ATG3: variants seen among roughly 807,000 people sequenced by gnomAD.
ATG3 encodes autophagy related 3, also known as ubiquitin-like-conjugating enzyme ATG3.
Under a neutral mutation model 50.7 loss-of-function variants are expected in ATG3, and 25 were observed. The ratio of observed to expected loss-of-function variants is 0.49; its 90% CI spans 0.36 to 0.69. The LOEUF (loss-of-function observed/expected upper bound fraction) is 0.69. Among genes scored for constraint, ATG3 ranks in the 30% least tolerant of loss-of-function variants. The pLI is 0.00. For missense variants in ATG3, 281 were observed against 376.0 expected (o/e 0.75, Z 2.09); for synonymous variants, 119 against 125.5 (o/e 0.95, Z 0.34).
At chr3:112,554,535 G>A (rs767354461) in intron 2 of ATG3, among the ~76,000 whole-genome samples, 19 of 152,038 alleles carry the variant, frequency 1.2e-4, no homozygotes, top group East Asian at 5.8e-4. Flanking sequence ...TGCTCTTTTC[G>A]GACTCAGCCC....
At chr3:112,556,284 A>G (rs893855058) in intron 2 of ATG3, among the ~76,000 whole-genome samples, 4 of 152,214 alleles carry the variant, frequency 2.6e-5, no homozygotes, top group Non-Finnish European at 5.9e-5. Flanking sequence ...CCGGGAGGTG[A>G]GGGGCGCCTC....
intron 3 of ATG3, among the ~76,000 whole-genome samples, chr3:112,551,582 T>C (rs909104371): frequency 2.6e-5 from 4 of 152,162 alleles, no homozygotes; most frequent in Admixed American, 6.5e-5. Context: ...CCCGTCCATA[T>C]ATACAAGCCC....
chr3:112,543,920 G>GA, intron 6 of ATG3, 137 bp downstream of exon 6: 2 of 563,070 alleles, frequency 3.6e-6, no homozygotes, highest in Non-Finnish European at 6.0e-6. Flanking sequence ...AAAACAGCTG[G>GA]AATTTAAAAG....
intron 11 of ATG3, chr3:112,533,053 A>G: frequency 2.8e-6 from 3 of 1,078,406 alleles, no homozygotes; most frequent in Non-Finnish European, 3.4e-6. Flanking sequence ...TAAAAAGGAC[A>G]AAGCTATACA....
At chr3:112,539,250 C>T (rs781438294) in intron 7 of ATG3, among the ~76,000 whole-genome samples, 14 of 151,840 alleles carry the variant, frequency 9.2e-5, no homozygotes, top group Non-Finnish European at 1.5e-4. Flanking sequence ...CAAACAAAAC[C>T]CTCCAATGGC....
At chr3:112,541,666 C>A in intron 7 of ATG3, 137 bp downstream of exon 7, 1 of 682,238 alleles carries the variant, frequency 1.5e-6, no homozygotes, top group Non-Finnish European at 2.4e-6. Flanking sequence ...AATTTATGAA[C>A]TAAACATATA....
chr3:112,551,446 AG>A (rs1365977536), intron 3 of ATG3, among the ~76,000 whole-genome samples: 2 of 152,350 alleles, frequency 1.3e-5, no homozygotes, highest in East Asian at 3.9e-4. Context: ...CCTTTGGCCC[AG>A]GAATTTAGCC....
intron 5 of ATG3, among the ~76,000 whole-genome samples, chr3:112,548,295 T>G (rs1242867058): frequency 6.6e-6 from 1 of 152,156 alleles, no homozygotes; most frequent in Non-Finnish European, 1.5e-5. Flanking sequence ...GAGGTTGCAG[T>G]GAGCAAAGAT....
chr3:112,544,253 CTAA>C (rs1411487100), intron 5 of ATG3, 147 bp from the exon 6 acceptor site: 6 of 616,508 alleles, frequency 9.7e-6, no homozygotes, highest in Non-Finnish European at 1.7e-5. Context: ...CAAATGAACT[CTAA>C]TGAGAATAGT....
At chr3:112,556,841 A>T (rs1472639553) in intron 2 of ATG3, among the ~76,000 whole-genome samples, 2 of 151,900 alleles carry the variant, frequency 1.3e-5, no homozygotes, top group African/African-American at 2.4e-5. Context: ...GCTCGTTAAG[A>T]GTCATCACCA....
intron 2 of ATG3, among the ~76,000 whole-genome samples, chr3:112,555,201 A>G (rs1413328932): frequency 6.6e-6 from 1 of 152,166 alleles, no homozygotes; most frequent in African/African-American, 2.4e-5. Flanking sequence ...AGAAAAACGA[A>G]AAACAAAAAA....
chr3:112,534,346 C>CAAAA lies in ATG3; in HGVS notation c.795-13_795-10dup, dbSNP rs11381118. Reference sequence around the variant, plus strand: ...TCATCACCTCAGCATGCCTAGAAGCCAAAAAAAAAAAAAATTGTTAATGTA... The same window carrying CAAAA: ...TCATCACCTCAGCATGCCTAGAAGCCAAAAAAAAAAAAAAAAAATTGTTAATGTA... On this transcript the variant is annotated splice_polypyrimidine_tract_variant and intron_variant, in intron 10 of 11. Transcript: ENST00000283290. 1.2e-5 allele frequency: 15 copies of CAAAA among 1,278,462 alleles called. No homozygotes were observed. The highest frequency in any genetic ancestry group is 3.1e-5 in the African/African-American group (2 of 65,350). 79.2% of individuals were successfully genotyped at this position (1,278,462 alleles called of 1,614,324 possible).
intron 8 of ATG3, 52 bp downstream of exon 8, chr3:112,538,094 A>AT (rs1933122646): frequency 7.3e-7 from 1 of 1,375,216 alleles, no homozygotes; most frequent in Non-Finnish European, 1.0e-6. Context: ...AAGAACATGC[A>AT]TCCCCAAGTT....
At chr3:112,538,325 AG>A (rs1273734979) in intron 7 of ATG3, 145 bp from the exon 8 acceptor site, 2 of 625,082 alleles carry the variant, frequency 3.2e-6, no homozygotes, top group African/African-American at 3.8e-5. Context: ...GATAGATATA[AG>A]TGAGCTAATT....
At chr3:112,533,228 A>G (rs2107364200) in intron 11 of ATG3, 1 of 985,318 alleles carries the variant, frequency 1.0e-6, no homozygotes, top group East Asian at 1.1e-4. Context: ...TAGTGTATGT[A>G]TTTGCCAAAG....
intron 11 of ATG3, chr3:112,533,633 T>C (rs1307090877): frequency 1.0e-6 from 1 of 985,238 alleles, no homozygotes; most frequent in African/African-American, 1.7e-5. Context: ...TCAAGCTATC[T>C]GGCATGTAAA....
chr3:112,535,184 C>T (rs1316135735), intron 10 of ATG3: 1 of 152,028 alleles, frequency 6.6e-6, no homozygotes, highest in Non-Finnish European at 1.5e-5. Context: ...TTAAATAATG[C>T]TGCTTCAGTT....
chr3:112,558,121 C>T, intron 2 of ATG3: 1 of 457,944 alleles, frequency 2.2e-6, no homozygotes, highest in Non-Finnish European at 3.9e-6. Context: ...TGACATAGGA[C>T]TCATTTTGAT....
intron 11 of ATG3, chr3:112,533,305 C>T (rs555637451): frequency 2.0e-6 from 2 of 984,684 alleles, no homozygotes; most frequent in Non-Finnish European, 2.4e-6. Context: ...CACTTAAAAA[C>T]ATTAGGAGCT....
Sources: allele counts gnomAD v4.1 joint callset (sites outside exome capture counted in the v4.1 genomes callset), GRCh38; gene constraint gnomAD v4.1.1; transcripts MANE v1.5; gene names NCBI Gene and HGNC (gene_info 2026-07-23, HGNC 2026-07-21).